PZP: variants seen among roughly 807,000 people sequenced by gnomAD.
PZP encodes PZP alpha-2-macroglobulin like, also known as pregnancy zone protein.
A neutral mutation model predicts 179.8 loss-of-function variants in PZP; 150 were observed. The ratio of observed to expected loss-of-function variants is 0.83; its 90% CI spans 0.73 to 0.96. PZP has a LOEUF of 0.96. Among genes scored for constraint, PZP ranks in the 40% least tolerant of loss-of-function variants. PZP has a pLI of 0.00. For synonymous variants in PZP, 624 were observed against 652.3 expected (o/e 0.96, Z 0.66); for missense variants, 1,689 against 1,764.0 (o/e 0.96, Z 0.76).
chr12:9,174,743 A>G (rs1488926714), intron 15 of PZP, among the ~76,000 whole-genome samples: 1 of 152,148 alleles, frequency 6.6e-6, no homozygotes, highest in Admixed American at 6.5e-5. Flanking sequence ...ACCTAGGAAT[A>G]CAGCTAACAA....
At chr12:9,202,741 T>G in intron 2 of PZP, 57 bp from the exon 3 acceptor site, 1 of 1,508,244 alleles carries the variant, frequency 6.6e-7, no homozygotes, top group East Asian at 2.3e-5. Context: ...TCCCTCTGCA[T>G]TCTTCAGTCA....
rs1941837269 is a variant in PZP at position 9,169,547 on chromosome 12, G to T, written c.1884C>A (p.Asp628Glu). ...GTTCTTCCTCCTGCTGGTCCACATT[G>T]TCAGGAAAATTGGTGAGATCCTTCA... ...LTVKDLTNFPDNVDQQEEEQG... is the reference protein window; with the variant it reads ...LTVKDLTNFPENVDQQEEEQG... The change falls in exon 16 of 36, where the codon GAC becomes GAA. Residue 628 changes from aspartate to glutamate, a missense_variant. Physicochemically the swap from Asp to Glu is conservative, Grantham distance 45. Around this residue, in one of 3 missense-constraint regions of PZP, gnomAD observed 201 missense variants for 284.2 expected, o/e 0.71. Transcript: ENST00000261336. 1 of 1,612,854 alleles carries T rather than the reference G, an allele frequency of 6.2e-7. No homozygotes were observed. Among genetic ancestry groups the T allele is most frequent in the Admixed American group, 1.7e-5 (1 of 59,820 alleles).
chr12:9,181,119 A>T lies in PZP; in HGVS notation c.1703T>A (p.Phe568Tyr). ...GGCTGGGGGACTTTGTGCTGGGCTG[A>T]AGCTCAAATCCACCTGTGGGAAATG... The part of the protein sequence containing the change: ...NCLANKVDLS[F>Y]SPAQSPPASH... Residue 568 changes from phenylalanine (F) to tyrosine (Y), a missense_variant, in exon 15 of 36, where the codon TTC (phenylalanine) becomes TAC (tyrosine). Physicochemically the swap from Phe to Tyr is conservative, Grantham distance 22. Transcript: ENST00000261336. 6.2e-7 allele frequency: 1 copy of T among 1,614,112 alleles called. No homozygotes were observed. Among genetic ancestry groups the T allele is most frequent in the African/African-American group, 1.3e-5 (1 of 75,056 alleles).
At position 9,170,203 on chromosome 12, in the gene PZP, C is replaced by G; in HGVS notation, c.1840-612G>C. ...GGAGGGCAACGGAAGGAACCCCCAC[C>G]CCCAGCCAAGGGAAGCGGTGAGTGA... On this transcript the variant is annotated intron_variant, in intron 15 of 35. Coordinates refer to ENST00000261336, the MANE Select transcript of PZP (RefSeq NM_002864.3). The surrounding 1 kb of genome is among the most constrained non-coding windows in gnomAD (Gnocchi z 4.6). 6.6e-6 allele frequency: 1 copy of G among 152,078 alleles called. No individual in the cohort carries two copies. Among genetic ancestry groups the G allele is most frequent in the Non-Finnish European group, 1.5e-5 (1 of 68,046 alleles). 9.4% of individuals were successfully genotyped at this position (152,078 alleles called of 1,614,324 possible). A position where few individuals can be genotyped will look rare whatever the true frequency, so the allele number is the denominator to read the frequency against.
intron 33 of PZP, 139 bp from the exon 34 acceptor site, chr12:9,150,885 G>A: frequency 3.1e-6 from 2 of 635,414 alleles, no homozygotes; most frequent in Middle Eastern, 2.6e-4. Flanking sequence ...GTCAAGATGG[G>A]TTTTAGAATG....
In PZP at chr12:9,192,556, T is replaced by C; in HGVS notation, c.1438A>G (p.Arg480Gly). Reference protein sequence around the residue: ...ETITAHYTLNRQAMGELSELS... With the variant: ...ETITAHYTLNGQAMGELSELS... ...TCCGATAACTCTCCCATGGCCTGTC[T>C]ATTCAGTGTATAGTGTGCCGTGATA... The change falls in exon 12 of 36, where the codon AGA becomes GGA. Residue 480 changes from arginine to glycine, a missense_variant. Coordinates refer to ENST00000261336, the MANE Select transcript of PZP (RefSeq NM_002864.3). The C allele has an allele frequency of 1.2e-6, 2 of 1,614,202 alleles. No individual in the cohort carries two copies. Among genetic ancestry groups the C allele is most frequent in the Non-Finnish European group, 1.7e-6 (2 of 1,180,028 alleles).
At position 9,157,756 on chromosome 12, in the gene PZP, C is replaced by G; in HGVS notation, c.3369+11G>C. On this transcript the variant is annotated intron_variant, in intron 27 of 35. Transcript: ENST00000261336. ...TTTCATGGTAGGGAATGGGATTGAG[C>G]TGGTACCTACAGTGACTGGGAGAGG... 6.2e-7 allele frequency: 1 copy of G among 1,610,444 alleles called. No homozygotes were observed. The highest frequency in any genetic ancestry group is 8.5e-7 in the Non-Finnish European group (1 of 1,176,720).
chr12:9,170,960 G>T lies in PZP; in HGVS notation c.1840-1369C>A, dbSNP rs1466749451. On this transcript the variant is annotated intron_variant, in intron 15 of 35. Coordinates refer to ENST00000261336, the MANE Select transcript of PZP (RefSeq NM_002864.3). This position sits in a 1 kb window ranked among gnomAD's most constrained non-coding sequence, Gnocchi z 4.6. The stretch of plus-strand genomic sequence containing the variant: ...AATACAGGTGATCCAGGTGAGGAAG[G>T]ATCCCACCCAATGCAGCCCACCTGC... Among the ~76,000 whole-genome samples, 2 of 152,134 alleles carry T rather than the reference G, an allele frequency of 1.3e-5. No individual in the cohort carries two copies. Among genetic ancestry groups the T allele is most frequent in the Non-Finnish European group, 2.9e-5 (2 of 68,042 alleles).
chr12:9,142,438 G>A, the PZP span, among the ~76,000 whole-genome samples: 1 of 152,144 alleles, frequency 6.6e-6, no homozygotes, highest in African/African-American at 2.4e-5. Flanking sequence ...ATTAATAAAT[G>A]CAAACAAAAA....
rs374213733 is a variant in PZP, at chr12:9,194,242, A to G, written c.1093-4T>C. 2.5e-6 allele frequency: 4 copies of G among 1,613,410 alleles called. No individual in the cohort carries two copies. Among genetic ancestry groups the G allele is most frequent in the Non-Finnish European group, 3.4e-6 (4 of 1,179,672 alleles). ...CTTTTCCATCCACCAGAAGCACCTA[A>G]AGAAGAAAAGTACTTGATAGTTGAT... On this transcript the variant is annotated splice_polypyrimidine_tract_variant and splice_region_variant and intron_variant, in intron 10 of 35. Transcript: ENST00000261336.
In PZP at chr12:9,201,075, G is replaced by A; in HGVS notation, c.502-15C>T. The A allele has an allele frequency of 6.2e-7, 1 of 1,613,296 alleles. No homozygotes were observed. On this transcript the variant is annotated splice_polypyrimidine_tract_variant and intron_variant, in intron 5 of 35. Coordinates refer to ENST00000261336, the MANE Select transcript of PZP (RefSeq NM_002864.3). ...CTTCTTGGGTTCTGAAGGGAAACAA[G>A]AAACATGGGCGGTAATCATTTAGTC...
chr12:9,197,896 A>G (rs57844091), intron 7 of PZP, among the ~76,000 whole-genome samples: 1 of 125,392 alleles, frequency 8.0e-6, no homozygotes, highest in Non-Finnish European at 1.6e-5. Flanking sequence ...TAATATATAA[A>G]TTATATATAT....
intron 15 of PZP, among the ~76,000 whole-genome samples, chr12:9,179,424 T>C (rs1015613485): frequency 6.6e-6 from 1 of 152,160 alleles, no homozygotes; most frequent in African/African-American, 2.4e-5. Flanking sequence ...AAATAAATCA[T>C]CACGACATGC....
chr12:9,166,034 GA>G lies in PZP; in HGVS notation c.2258+17del, dbSNP rs773798378. The stretch of plus-strand genomic sequence containing the variant: ...ATTCCCTCCCCTCCAGCAAATGGAG[GA>G]AAGTAAAGTTACTTACTTCACTGCC... On this transcript the variant is annotated intron_variant, in intron 18 of 35. Transcript: ENST00000261336. 2.5e-6 allele frequency: 4 copies of G among 1,586,042 alleles called. No individual in the cohort carries two copies. Among genetic ancestry groups the G allele is most frequent in the Non-Finnish European group, 3.4e-6 (4 of 1,169,626 alleles).
chr12:9,180,816 A>C (rs1942708700), intron 15 of PZP, among the ~76,000 whole-genome samples, 167 bp downstream of exon 15: 1 of 152,230 alleles, frequency 6.6e-6, no homozygotes, highest in African/African-American at 2.4e-5. Flanking sequence ...TAATTAAACT[A>C]AAGAGCTTCT....
chr12:9,180,915 A>G lies in PZP; in HGVS notation c.1839+68T>C, dbSNP rs181690570. ...CAACCTACTCATCTGACAAAGGGCT[A>G]ATAGAGGCTTCTTGATCTGAGCCTC... On this transcript the variant is annotated intron_variant, in intron 15 of 35. Transcript: ENST00000261336. The G allele has an allele frequency of 7.1e-5, 109 of 1,531,096 alleles. No homozygotes were observed. In the African/African-American group the frequency reaches 1.2e-3, roughly 17 times the overall value. The allele number at this position is 1,531,096 out of a possible 1,614,324, so 94.8% of individuals were successfully genotyped here. A position where few individuals can be genotyped will look rare whatever the true frequency, so the allele number is the denominator to read the frequency against.
chr12:9,139,685 C>A, the PZP span, among the ~76,000 whole-genome samples: 1 of 152,026 alleles, frequency 6.6e-6, no homozygotes, highest in East Asian at 1.9e-4. Flanking sequence ...TAAAATTTCC[C>A]TTTTGGTCTC....
At position 9,154,778 on chromosome 12, in the gene PZP, T is replaced by A; in HGVS notation, c.3612A>T (p.Gln1204His). 6.2e-7 allele frequency: 1 copy of A among 1,613,880 alleles called. No individual in the cohort carries two copies. Among genetic ancestry groups the A allele is most frequent in the Non-Finnish European group, 8.5e-7 (1 of 1,179,950 alleles). Residue 1204 changes from glutamine (Q) to histidine (H), a missense_variant, in exon 29 of 36, where the codon CAA becomes CAT. By Grantham distance (24) the Gln-to-His change is conservative. Around this residue, in one of 3 missense-constraint regions of PZP, gnomAD observed 746 missense variants for 749.2 expected, o/e 1.00. Coordinates refer to ENST00000261336, the MANE Select transcript of PZP (RefSeq NM_002864.3). ...CCACCTCAGCAGAGGGAGCCTGGGT[T>A]TGGTAAAGATGCCCCACTGGTGCCT... is the stretch of plus-strand genomic sequence containing the variant. ...RPKAPVGHLY[Q>H]TQAPSAEVEM... is the part of the protein sequence containing the mutation.
the PZP span, among the ~76,000 whole-genome samples, chr12:9,137,065 G>C: frequency 6.6e-6 from 1 of 151,988 alleles, no homozygotes; most frequent in Non-Finnish European, 1.5e-5. Flanking sequence ...TGTTTTCGTT[G>C]TCTGTGATTT....
Sources: gnomAD v4.1 joint callset for allele counts (sites outside exome capture counted in the v4.1 genomes callset) on GRCh38, gnomAD v4.1.1 for gene constraint, gnomAD v4.1.1 regional missense constraint, Gnocchi (gnomAD v3.1) non-coding constraint, MANE v1.5 for transcripts, NCBI Gene and HGNC (gene_info 2026-07-23, HGNC 2026-07-21) for gene names.